Variants in KMT2A observed in about 807,000 individuals in gnomAD.
KMT2A encodes the protein lysine methyltransferase 2A.
A neutral mutation model predicts 345.3 loss-of-function variants in KMT2A; 16 were observed. That is an observed-to-expected ratio of 0.05 (90% CI 0.03 to 0.07). KMT2A has a LOEUF of 0.07. Ranked by LOEUF, KMT2A falls within the 10% of genes least tolerant of loss-of-function variation. The pLI is 1.00. For synonymous variants in KMT2A, 1,599 were observed against 1,778.6 expected (o/e 0.90, Z 2.54); for missense variants, 3,272 against 4,841.6 (o/e 0.68, Z 9.62).
At position 118,521,031 on chromosome 11, in the gene KMT2A, G is replaced by A; in HGVS notation, c.11513+146G>A. The stretch of plus-strand genomic sequence containing the variant: ...ATTGACCCTCATATCCTGGGATCCT[G>A]CACCTCCTTGTGTTGAACAAGGACT... On this transcript the variant is annotated intron_variant, in intron 34 of 35. Coordinates refer to ENST00000534358, the MANE Select transcript of KMT2A (RefSeq NM_001197104.2). This position sits in a 1 kb window ranked among gnomAD's most constrained non-coding sequence, Gnocchi z 5.3. The A allele has an allele frequency of 1.5e-6, 1 of 680,274 alleles. No homozygotes were observed. Among genetic ancestry groups the A allele is most frequent in the Non-Finnish European group, 2.6e-6 (1 of 384,950 alleles). The allele number at this position is 680,274 out of a possible 1,614,324, so 42.1% of individuals were successfully genotyped here.
chr11:118,512,363 A>G, intron 31 of KMT2A: 1 of 272,570 alleles, frequency 3.7e-6, no homozygotes, highest in Non-Finnish European at 6.8e-6. Flanking sequence ...TGGACATTTC[A>G]TATAAATGAA....
intron 1 of KMT2A, chr11:118,450,311 G>A (rs954104138): frequency 4.6e-5 from 7 of 151,674 alleles, no homozygotes; most frequent in African/African-American, 1.7e-4. Context: ...GCTGTTTTTT[G>A]TTTTTTTGTT....
Position 118,505,589 on chromosome 11 carries a change from A to C in KMT2A, c.9697A>C (p.Lys3233Gln). The change falls in exon 27 of 36, where the codon AAG becomes CAG. Residue 3233 changes from lysine (K) to glutamine (Q), a missense_variant. Transcript: ENST00000534358. The surrounding 1 kb of genome is among the most constrained non-coding windows in gnomAD (Gnocchi z 4.6). The stretch of plus-strand genomic sequence containing the variant: ...ACCCATATCTCGTCTACAGACCCGA[A>C]AGAATAAAAAACTTGCTCCCTCTAG... ...KRPISRLQTR[K>Q]NKKLAPSSTP... 5 of 1,614,154 alleles carry C rather than the reference A, an allele frequency of 3.1e-6. No homozygotes were observed. The highest frequency in any genetic ancestry group is 4.2e-6 in the Non-Finnish European group (5 of 1,180,016).
intron 3 of KMT2A, among the ~76,000 whole-genome samples, chr11:118,475,288 G>A (rs1950015827): frequency 6.6e-6 from 1 of 151,258 alleles, no homozygotes; most frequent in African/African-American, 2.4e-5. Context: ...TTGTTTATTT[G>A]TTTAACAAAG....
chr11:118,439,168 A>AG (rs782089806), intron 1 of KMT2A: 2 of 405,388 alleles, frequency 4.9e-6, no homozygotes, highest in Non-Finnish European at 9.6e-6. Context: ...CAAAAAAAAA[A>AG]AAAAAGAAAA....
In KMT2A at chr11:118,494,554, G is replaced by A; in HGVS notation, c.5290-140G>A. On this transcript the variant is annotated intron_variant, in intron 17 of 35. Transcript: ENST00000534358. This position sits in a 1 kb window ranked among gnomAD's most constrained non-coding sequence, Gnocchi z 5.8. ...CCTGATTCTTTGAGAGGAACTTGGT[G>A]AGGTTGCCAGAGTGGATGGATCTTT... 1.2e-6 allele frequency: 1 copy of A among 845,330 alleles called. No individual in the cohort carries two copies. Among genetic ancestry groups the A allele is most frequent in the South Asian group, 1.6e-5 (1 of 60,858 alleles). 52.4% of individuals were successfully genotyped at this position (845,330 alleles called of 1,614,324 possible).
intron 1 of KMT2A, among the ~76,000 whole-genome samples, chr11:118,455,810 A>G (rs1279564815): frequency 2.6e-5 from 4 of 151,322 alleles, no homozygotes; most frequent in Non-Finnish European, 4.4e-5. Context: ...TGATCCTCCC[A>G]TCTCAGACTT....
chr11:118,511,447 A>C (rs1181024520), intron 30 of KMT2A, among the ~76,000 whole-genome samples: 1 of 152,176 alleles, frequency 6.6e-6, no homozygotes, highest in Non-Finnish European at 1.5e-5. Flanking sequence ...ATCCATGTGG[A>C]AATGCCTAGC....
Position 118,493,103 on chromosome 11 carries a change from C to A in KMT2A, c.5051C>A (p.Pro1684His). ...DLNPETEESI[P>H]SRSSPEGPDP... Reference sequence around the variant, plus strand: ...AATCCCGAGACAGAGGAGAGTATACCTTCCCGCAGCTCCCCCGAAGGACCT... The same window carrying A: ...AATCCCGAGACAGAGGAGAGTATACATTCCCGCAGCTCCCCCGAAGGACCT... The change falls in exon 16 of 36, where the codon CCT (proline) becomes CAT (histidine). Residue 1684 changes from proline to histidine, a missense_variant. Physicochemically the swap from Pro to His is moderately conservative, Grantham distance 77. Transcript: ENST00000534358. The surrounding 1 kb of genome is among the most constrained non-coding windows in gnomAD (Gnocchi z 5.8). 6.2e-7 allele frequency: 1 copy of A among 1,614,024 alleles called. No homozygotes were observed. The highest frequency in any genetic ancestry group is 8.5e-7 in the Non-Finnish European group (1 of 1,179,932).
chr11:118,496,472 A>G lies in KMT2A; in HGVS notation c.5664+105A>G. ...TGGGTGCCATTTATTTAATGAACTT[A>G]CTTATAACTTACTAATTTATAACTT... is the stretch of plus-strand genomic sequence containing the variant. On this transcript the variant is annotated intron_variant, in intron 20 of 35. Coordinates refer to ENST00000534358, the MANE Select transcript of KMT2A (RefSeq NM_001197104.2). The surrounding 1 kb of genome is among the most constrained non-coding windows in gnomAD (Gnocchi z 4.7). The G allele has an allele frequency of 1.5e-6, 1 of 657,312 alleles. No individual in the cohort carries two copies. The highest frequency in any genetic ancestry group is 2.7e-6 in the Non-Finnish European group (1 of 376,168). The allele number at this position is 657,312 out of a possible 1,614,324, so 40.7% of individuals were successfully genotyped here. A position where few individuals can be genotyped will look rare whatever the true frequency, so the allele number is the denominator to read the frequency against.
intron 31 of KMT2A, among the ~76,000 whole-genome samples, chr11:118,518,210 G>C (rs1282630119): frequency 6.6e-6 from 1 of 152,170 alleles, no homozygotes; most frequent in Non-Finnish European, 1.5e-5. Context: ...AAGAACATTA[G>C]CTATTTGCTA....
Position 118,478,137 on chromosome 11 carries a change from G to A in KMT2A, c.3505G>A (p.Val1169Ile), listed in dbSNP as rs782680161. The A allele has an allele frequency of 1.9e-6, 3 of 1,614,168 alleles. No individual in the cohort carries two copies. The highest frequency in any genetic ancestry group is 2.5e-6 in the Non-Finnish European group (3 of 1,180,034). The change falls in exon 5 of 36, where the codon GTT becomes ATT. Residue 1169 changes from valine to isoleucine, a missense_variant. Val to Ile is a conservative substitution (Grantham distance 29). Around this residue, in one of 27 missense-constraint regions of KMT2A, gnomAD observed 26 missense variants for 90.5 expected, o/e 0.29. Transcript: ENST00000534358. ...PGCQVPEDCG[V>I]CTNCLDKPKF... ...CTGCCAGGTGCCTGAGGACTGTGGT[G>A]TTTGTACTAATTGCTTAGATAAGCC...
intron 1 of KMT2A, among the ~76,000 whole-genome samples, chr11:118,457,735 C>A (rs561159545): frequency 6.6e-6 from 1 of 151,778 alleles, no homozygotes; most frequent in Non-Finnish European, 1.5e-5. Flanking sequence ...CCACCCCCCA[C>A]CAGCTTTATC....
rs1432735092 is a variant in KMT2A at position 118,490,890 on chromosome 11, G to T, written c.4697-306G>T. On this transcript the variant is annotated intron_variant, in intron 13 of 35. Coordinates refer to ENST00000534358, the MANE Select transcript of KMT2A (RefSeq NM_001197104.2). This position sits in a 1 kb window ranked among gnomAD's most constrained non-coding sequence, Gnocchi z 4.2. Reference sequence around the variant, plus strand: ...ATATTTAAATATTTCTTACAAATGTGTGAGAAACTTCTCTCTTCCATTCTT... The same window carrying T: ...ATATTTAAATATTTCTTACAAATGTTTGAGAAACTTCTCTCTTCCATTCTT... Among the ~76,000 whole-genome samples the T allele has an allele frequency of 6.6e-6, 1 of 152,096 alleles. No homozygotes were observed.
chr11:118,499,517 C>T (rs1313152955), intron 23 of KMT2A, 97 bp downstream of exon 23: 11 of 830,882 alleles, frequency 1.3e-5, no homozygotes, highest in Non-Finnish European at 2.3e-5. Flanking sequence ...GGTGTGGTGT[C>T]TCACGCCTGT....
In KMT2A at chr11:118,524,698, A is replaced by G. The variant is rs1555054898; in HGVS notation, c.*2526A>G. The G allele has an allele frequency of 1.7e-5, 3 of 171,816 alleles. No homozygotes were observed. The highest frequency in any genetic ancestry group is 1.3e-4 in the Admixed American group (2 of 15,010). The allele number at this position is 171,816 out of a possible 1,614,324, so 10.6% of individuals were successfully genotyped here. ...TTTTTTTGTAAATCCTTGTATTCCT[A>G]TTTTTTTTAAAGAAAAAAAAAAAAC... On this transcript the variant is annotated 3_prime_UTR_variant, in exon 36 of 36. Coordinates refer to ENST00000534358, the MANE Select transcript of KMT2A (RefSeq NM_001197104.2).
At position 118,504,255 on chromosome 11, in the gene KMT2A, C is replaced by G. The variant is rs782015181; in HGVS notation, c.8363C>G (p.Ser2788Cys). Residue 2788 changes from serine (S) to cysteine (C), a missense_variant, in exon 27 of 36, where the codon TCT becomes TGT. Around this residue, in one of 27 missense-constraint regions of KMT2A, gnomAD observed 100 missense variants for 101.3 expected, o/e 0.99. Transcript: ENST00000534358. The surrounding 1 kb of genome is among the most constrained non-coding windows in gnomAD (Gnocchi z 6.4). ...KNEPKMDNCHSVSRVKTQGQD... is the reference protein window; with the variant it reads ...KNEPKMDNCHCVSRVKTQGQD... ...GAGCCAAAGATGGATAACTGCCATT[C>G]TGTAAGCAGAGTTAAAACACAGGGA... 1 of 1,614,154 alleles carries G rather than the reference C, an allele frequency of 6.2e-7. No homozygotes were observed. Among genetic ancestry groups the G allele is most frequent in the Non-Finnish European group, 8.5e-7 (1 of 1,180,034 alleles).
chr11:118,484,813 A>C lies in KMT2A; in HGVS notation c.4219-49A>C, dbSNP rs1555040411. 1 of 1,208,964 alleles carries C rather than the reference A, an allele frequency of 8.3e-7. No individual in the cohort carries two copies. Among genetic ancestry groups the C allele is most frequent in the African/African-American group, 1.5e-5 (1 of 67,024 alleles). 74.9% of individuals were successfully genotyped at this position (1,208,964 alleles called of 1,614,324 possible). On this transcript the variant is annotated intron_variant, in intron 9 of 35. Coordinates refer to ENST00000534358, the MANE Select transcript of KMT2A (RefSeq NM_001197104.2). This position sits in a 1 kb window ranked among gnomAD's most constrained non-coding sequence, Gnocchi z 4.1. Reference sequence around the variant, plus strand: ...GCTTTTCATCCTTATTTTCCATCCAAAGTTGTGTAATTGTAAAACTTTCCT... The same window carrying C: ...GCTTTTCATCCTTATTTTCCATCCACAGTTGTGTAATTGTAAAACTTTCCT...
chr11:118,482,999 G>A (rs562357550), intron 8 of KMT2A, among the ~76,000 whole-genome samples: 137 of 152,182 alleles, frequency 9.0e-4, no homozygotes, highest in Non-Finnish European at 1.2e-3. Context: ...TTGGGAAGCC[G>A]AAGCAGGCAG....
Sources: allele counts gnomAD v4.1 joint callset (sites outside exome capture counted in the v4.1 genomes callset), GRCh38; gene constraint gnomAD v4.1.1; regional missense constraint gnomAD v4.1.1; non-coding constraint Gnocchi (gnomAD v3.1); transcripts MANE v1.5; gene names NCBI Gene and HGNC (gene_info 2026-07-23, HGNC 2026-07-21).